The following USP54 variants were observed in gnomAD, a reference collection of about 807,000 sequenced individuals.
USP54 encodes ubiquitin carboxyl-terminal hydrolase 54.
A neutral mutation model predicts 170.5 loss-of-function variants in USP54; 87 were observed. That is an observed-to-expected ratio of 0.51 (90% CI 0.43 to 0.61). USP54 has a LOEUF of 0.61. USP54 is among the 20% of genes least tolerant of loss of function. The pLI, the probability that USP54 is intolerant of heterozygous loss-of-function variation, is 0.00. For synonymous variants in USP54, 655 were observed against 742.8 expected, an observed-to-expected ratio of 0.88 and a Z score of 1.92; for missense variants, 1,786 against 2,047.8, an observed-to-expected ratio of 0.87 and a Z score of 2.47.
chr10:73,615,819 T>C (rs2080578040), intron 1 of USP54, among the ~76,000 whole-genome samples: 1 of 146,700 alleles, frequency 6.8e-6, no homozygotes, highest in Non-Finnish European at 1.5e-5. Context: ...ACTCGGGAGG[T>C]TGAGGTGGGA....
chr10:73,625,533 CTG>C (rs1157099241), intron 1 of USP54: 1 of 152,448 alleles, frequency 6.6e-6, no homozygotes, highest in Non-Finnish European at 1.5e-5. Flanking sequence ...GAAAAGCAAA[CTG>C]GGCCCAGCGT....
intron 17 of USP54, 44 bp from the exon 18 acceptor site, chr10:73,521,071 A>G: frequency 6.2e-7 from 1 of 1,609,166 alleles, no homozygotes; most frequent in Non-Finnish European, 8.5e-7. Context: ...ATTCATTCCA[A>G]ATTTTCCTGT....
At position 73,498,721 on chromosome 10, in the gene USP54, T is replaced by G; in HGVS notation, c.4963A>C (p.Arg1655=). The change falls in exon 24 of 24, where the codon AGA becomes CGA. Residue 1655 remains arginine, a synonymous_variant. Transcript: ENST00000687698. ...AACAGAAACCCCTCTCCCACTGTTC[T>G]CCTGTGTCCAGAGTGGGAGGCATAA... ...SSYASHSGHR[R]TVGEGFLFVL... 1.9e-6 allele frequency: 3 copies of G among 1,613,344 alleles called. No individual in the cohort carries two copies. The highest frequency in any genetic ancestry group is 2.5e-6 in the Non-Finnish European group (3 of 1,179,544).
At chr10:73,603,520 G>T (rs2079365569) in intron 1 of USP54, among the ~76,000 whole-genome samples, 1 of 152,104 alleles carries the variant, frequency 6.6e-6, no homozygotes, top group Non-Finnish European at 1.5e-5. Context: ...TTTGAGACCA[G>T]CTTGGCCAAC....
rs371012895 is a variant in USP54 at position 73,530,233 on chromosome 10, G to T, written c.1738C>A (p.Arg580=). The part of the protein sequence containing the change: ...SKYRPTWRPK[R]ESLNIDSIFS... ...ATACTGTCAATATTCAGAGATTCTC[G>T]TTTGGGTCTCCATGTGGGACGATAC... The change falls in exon 14 of 24, where the codon CGA becomes AGA. Residue 580 remains arginine, a synonymous_variant. Transcript: ENST00000687698. 6.8e-6 allele frequency: 11 copies of T among 1,614,020 alleles called. No homozygotes were observed. The African/African-American group carries it at 1.5e-4, about 22-fold the overall frequency.
At chr10:73,620,851 C>G (rs951482435) in intron 1 of USP54, among the ~76,000 whole-genome samples, 3 of 148,976 alleles carry the variant, frequency 2.0e-5, no homozygotes, top group Non-Finnish European at 4.4e-5. Context: ...AGGCCAAGAG[C>G]AAAACTCTGT....
At chr10:73,518,721 T>TA (rs1217543639) in intron 19 of USP54, 1 of 149,086 alleles carries the variant, frequency 6.7e-6, no homozygotes, top group Non-Finnish European at 1.5e-5. Flanking sequence ...ACCTGCAATT[T>TA]TTTTTTTTTT....
chr10:73,563,378 TC>T (rs2073522264), intron 4 of USP54, among the ~76,000 whole-genome samples: 1 of 152,282 alleles, frequency 6.6e-6, no homozygotes, highest in East Asian at 1.9e-4. Context: ...GGGTTTCCTA[TC>T]CTGAGAAAGG....
chr10:73,534,670 A>G lies in USP54; in HGVS notation c.1245T>C (p.Ser415=), dbSNP rs371206719. The change falls in exon 12 of 24, where the codon TCT becomes TCC. Residue 415 remains serine (S), a synonymous_variant. Transcript: ENST00000687698. ...AGATGACTGTCCCCTGAGAATCAGA[A>G]GAGAAGTGACTGACCACAGACTCAT... ...SHHESVVSHF[S]SDSQGTVIYN... is the part of the protein sequence containing the mutation. 2.5e-6 allele frequency: 4 copies of G among 1,614,082 alleles called. No individual in the cohort carries two copies. In the African/African-American group the frequency reaches 5.3e-5, roughly 22 times the overall value.
chr10:73,607,860 G>A (rs78257252), intron 1 of USP54, among the ~76,000 whole-genome samples: 5,281 of 150,786 alleles, frequency 0.035, 148 homozygotes, highest in South Asian at 0.11. Flanking sequence ...AAACTAAGAA[G>A]TAATCCTTCA....
intron 4 of USP54, among the ~76,000 whole-genome samples, chr10:73,569,508 G>A (rs1419584521): frequency 3.3e-5 from 5 of 152,028 alleles, no homozygotes; most frequent in Non-Finnish European, 7.4e-5. Flanking sequence ...CCAGCTGGGC[G>A]TGATGGCTCA....
chr10:73,594,490 A>G (rs1398562947), upstream of USP54, among the ~76,000 whole-genome samples: 1 of 152,094 alleles, frequency 6.6e-6, no homozygotes, highest in East Asian at 1.9e-4. Flanking sequence ...CTGAACCCTC[A>G]AATTCCTGGG....
chr10:73,544,992 A>G (rs1016855693), intron 5 of USP54, among the ~76,000 whole-genome samples: 6 of 152,070 alleles, frequency 3.9e-5, no homozygotes, highest in African/African-American at 1.4e-4. Context: ...GATTACAGGC[A>G]TGAGCCACCA....
At chr10:73,516,183 C>T (rs1426650169) in intron 20 of USP54, among the ~76,000 whole-genome samples, 192 bp downstream of exon 20, 1 of 152,124 alleles carries the variant, frequency 6.6e-6, no homozygotes, top group Non-Finnish European at 1.5e-5. Context: ...GGTAATTCTG[C>T]CCCTTCCTCC....
chr10:73,585,638 G>A (rs1307961859), intron 1 of USP54, among the ~76,000 whole-genome samples: 1 of 152,196 alleles, frequency 6.6e-6, no homozygotes, highest in Non-Finnish European at 1.5e-5. Flanking sequence ...TTAGATTTGA[G>A]GGAACAAACA....
intron 1 of USP54, among the ~76,000 whole-genome samples, chr10:73,581,288 G>A (rs1352747886): frequency 1.3e-5 from 2 of 152,206 alleles, no homozygotes; most frequent in Admixed American, 1.3e-4. Flanking sequence ...ATGGAAGCAT[G>A]TCATCTTATT....
At chr10:73,500,608 A>C (rs756620552) in intron 23 of USP54, 47 bp downstream of exon 23, 1 of 1,535,570 alleles carries the variant, frequency 6.5e-7, no homozygotes, top group Admixed American at 2.1e-5. Flanking sequence ...GAGGCCCCTG[A>C]AAAGGTACCA....
At chr10:73,574,260 T>TC (rs1474685201) in intron 3 of USP54, among the ~76,000 whole-genome samples, 1 of 152,064 alleles carries the variant, frequency 6.6e-6, no homozygotes, top group Non-Finnish European at 1.5e-5. Flanking sequence ...GAATTCACTT[T>TC]CCCCTAGCTC....
intron 5 of USP54, among the ~76,000 whole-genome samples, chr10:73,544,433 C>T (rs2133545354): frequency 6.6e-6 from 1 of 152,284 alleles, no homozygotes; most frequent in African/African-American, 2.4e-5. Context: ...CAGTTTTTTA[C>T]TATTATGAAT....
Sources: allele counts gnomAD v4.1 joint callset (sites outside exome capture counted in the v4.1 genomes callset), GRCh38; gene constraint gnomAD v4.1.1; transcripts MANE v1.5; gene names NCBI Gene and HGNC (gene_info 2026-07-23, HGNC 2026-07-21).